SERPIND1: variants seen among roughly 807,000 people sequenced by gnomAD.
SERPIND1 encodes the protein serpin family D member 1.
In SERPIND1, 34 loss-of-function variants were observed where a neutral mutation model predicts 35.0. That is an observed-to-expected ratio of 0.97 (90% confidence interval 0.74 to 1.29). The LOEUF is 1.29. SERPIND1 is among the 50% of genes most tolerant of loss of function. SERPIND1 has a pLI of 0.00. For synonymous variants in SERPIND1, 236 were observed against 241.1 expected (o/e 0.98, Z 0.19); for missense variants, 633 against 637.7 (o/e 0.99, Z 0.08).
rs370999735 is a variant in SERPIND1 at position 20,779,351 on chromosome 22, C to G, written c.39C>G (p.Ile13Met). 1 of 1,614,212 alleles carries G rather than the reference C, an allele frequency of 6.2e-7. No homozygotes were observed. The highest frequency in any genetic ancestry group is 8.5e-7 in the Non-Finnish European group (1 of 1,180,036). ...TAAACGCACTTCTCATTTTCCTCAT[C>G]ATAACATCTGCGTGGGGTGGGAGCA... is the stretch of plus-strand genomic sequence containing the variant. ...HSLNALLIFL[I>M]ITSAWGGSKG... The change falls in exon 2 of 5, where the codon ATC (isoleucine) becomes ATG (methionine). Residue 13 changes from isoleucine (I) to methionine (M), a missense_variant. Physicochemically the swap from Ile to Met is conservative, Grantham distance 10. Transcript: ENST00000215727.
At chr22:20,774,758 CAAAA>C (rs361993) in intron 1 of SERPIND1, among the ~76,000 whole-genome samples, 7 of 107,356 alleles carry the variant, frequency 6.5e-5, no homozygotes, top group Non-Finnish European at 9.9e-5. Context: ...TAGACTCCGT[CAAAA>C]AAAAAAAAAA....
At chr22:20,777,043 GTTTTT>G (rs362134) in intron 1 of SERPIND1, among the ~76,000 whole-genome samples, 4 of 148,538 alleles carry the variant, frequency 2.7e-5, no homozygotes, top group Admixed American at 2.0e-4. Flanking sequence ...GTTTTTTTTT[GTTTTT>G]TTTTTGTTTT....
At position 20,787,390 on chromosome 22, in the gene SERPIND1, TTGC is replaced by T; in HGVS notation, c.*325_*327del. 1 of 386,146 alleles carries T rather than the reference TTGC, an allele frequency of 2.6e-6. No individual in the cohort carries two copies. Among genetic ancestry groups the T allele is most frequent in the Admixed American group, 3.8e-5 (1 of 26,492 alleles). The allele number at this position is 386,146 out of a possible 1,614,324, so 23.9% of individuals were successfully genotyped here. A position where few individuals can be genotyped will look rare whatever the true frequency, so the allele number is the denominator to read the frequency against. On this transcript the variant is annotated 3_prime_UTR_variant, in exon 5 of 5. Coordinates refer to ENST00000215727, the MANE Select transcript of SERPIND1 (RefSeq NM_000185.4). ...ACCTCCCGCTCCGGTGACCCCATCC[TTGC>T]ACACCTGACTCTGTCACTCAAGCCT...
In SERPIND1 at chr22:20,787,022, T is replaced by A. The variant is rs772204873; in HGVS notation, c.1456T>A (p.Cys486Ser). Reference sequence around the variant, plus strand: ...CCTCATCTACGAGCATCGCACCAGCTGCCTGCTCTTCATGGGAAGAGTGGC... The same window carrying A: ...CCTCATCTACGAGCATCGCACCAGCAGCCTGCTCTTCATGGGAAGAGTGGC... Reference protein sequence around the residue: ...LFLIYEHRTSCLLFMGRVANP... With the variant: ...LFLIYEHRTSSLLFMGRVANP... Residue 486 changes from cysteine (C) to serine (S), a missense_variant, in exon 5 of 5, where the codon TGC (cysteine) becomes AGC (serine). Coordinates refer to ENST00000215727, the MANE Select transcript of SERPIND1 (RefSeq NM_000185.4). 6.2e-7 allele frequency: 1 copy of A among 1,614,228 alleles called. No individual in the cohort carries two copies. Among genetic ancestry groups the A allele is most frequent in the Non-Finnish European group, 8.5e-7 (1 of 1,180,040 alleles).
Position 20,779,813 on chromosome 22 carries a change from AGGTC to A in SERPIND1, c.502_505del (p.Gly168Ter). 6.2e-7 allele frequency: 1 copy of A among 1,614,210 alleles called. No individual in the cohort carries two copies. Among genetic ancestry groups the A allele is most frequent in the Non-Finnish European group, 8.5e-7 (1 of 1,180,030 alleles). On this transcript the variant is annotated frameshift_variant, in exon 2 of 5. Transcript: ENST00000215727. LOFTEE classifies it high-confidence loss of function. ...CTACTGCGATGGGTATGATTTCCTT[AGGTC>A]TGAAGGGAGAGACCCATGAACAAGT...
chr22:20,776,374 G>A (rs982010110), intron 1 of SERPIND1, among the ~76,000 whole-genome samples: 3 of 152,156 alleles, frequency 2.0e-5, no homozygotes, highest in Non-Finnish European at 4.4e-5. Context: ...TTTCCCGTGT[G>A]TAAACTAGTG....
intron 1 of SERPIND1, among the ~76,000 whole-genome samples, chr22:20,775,056 A>G (rs1324999547): frequency 1.3e-5 from 2 of 152,182 alleles, no homozygotes; most frequent in Non-Finnish European, 2.9e-5. Context: ...CTTCTCTCCC[A>G]TTCTGCCTGC....
intron 1 of SERPIND1, among the ~76,000 whole-genome samples, chr22:20,774,763 A>T (rs1238162272): frequency 6.6e-6 from 1 of 151,292 alleles, no homozygotes; most frequent in African/African-American, 2.4e-5. Context: ...TCCGTCAAAA[A>T]AAAAAAAAAA....
At chr22:20,774,633 C>T (rs568024449) in intron 1 of SERPIND1, among the ~76,000 whole-genome samples, 9 of 151,976 alleles carry the variant, frequency 5.9e-5, no homozygotes, top group African/African-American at 1.4e-4. Flanking sequence ...TGGTGGCACG[C>T]GCCTGTAATC....
intron 2 of SERPIND1, 46 bp from the exon 3 acceptor site, chr22:20,783,926 C>T (rs1157117689): frequency 6.2e-7 from 1 of 1,613,368 alleles, no homozygotes; most frequent in Non-Finnish European, 8.5e-7. Flanking sequence ...AGACGATTTC[C>T]CTAAAGGAAC....
At position 20,786,817 on chromosome 22, in the gene SERPIND1, G is replaced by A. The variant is rs575183180; in HGVS notation, c.1309-58G>A. ...CCTGAATGATATGAGATTGTGCTGG[G>A]AACTCTAGCCCTCTGTGTGCTGACC... On this transcript the variant is annotated intron_variant, in intron 4 of 4. Transcript: ENST00000215727. 5.9e-6 allele frequency: 9 copies of A among 1,514,142 alleles called. No individual in the cohort carries two copies. In the Admixed American group the frequency reaches 1.0e-4, roughly 17 times the overall value. 93.8% of individuals were successfully genotyped at this position (1,514,142 alleles called of 1,614,324 possible).
rs1933643243 is a variant in SERPIND1, at chr22:20,780,057, C to T, written c.745C>T (p.Gln249Ter). The change falls in exon 2 of 5, where the codon CAG becomes TAG. Residue 249 changes from glutamine (Q) to a stop codon, truncating the protein, a stop_gained. Transcript: ENST00000215727. LOFTEE classifies it high-confidence loss of function. ...KVREYYFAEA[Q>*]IADFSDPAFI... ...AAGAGAGTATTACTTTGCTGAGGCCCAGATAGCTGACTTCTCAGACCCTGC... is the reference window on the plus strand; with the variant it reads ...AAGAGAGTATTACTTTGCTGAGGCCTAGATAGCTGACTTCTCAGACCCTGC... The T allele has an allele frequency of 6.2e-7, 1 of 1,614,002 alleles. No individual in the cohort carries two copies. The highest frequency in any genetic ancestry group is 8.5e-7 in the Non-Finnish European group (1 of 1,180,044).
At chr22:20,776,607 C>T (rs1338519351) in intron 1 of SERPIND1, among the ~76,000 whole-genome samples, 1 of 152,168 alleles carries the variant, frequency 6.6e-6, no homozygotes, top group Non-Finnish European at 1.5e-5. Context: ...CTGCTCTGCA[C>T]GGCCAGGGAG....
chr22:20,787,131 G>A lies in SERPIND1; in HGVS notation c.*65G>A, dbSNP rs1311106281. The A allele has an allele frequency of 4.2e-5, 59 of 1,388,408 alleles. No individual in the cohort carries two copies. Among genetic ancestry groups the A allele is most frequent in the East Asian group, 2.3e-5 (1 of 43,744 alleles). 86.0% of individuals were successfully genotyped at this position (1,388,408 alleles called of 1,614,324 possible). ...CTCATTTTGTTTCCATTCCAACAAC[G>A]AGAACAGAGATGTTCTGGCATCATT... is the stretch of plus-strand genomic sequence containing the variant. On this transcript the variant is annotated 3_prime_UTR_variant, in exon 5 of 5. Coordinates refer to ENST00000215727, the MANE Select transcript of SERPIND1 (RefSeq NM_000185.4).
chr22:20,779,202 C>T, intron 1 of SERPIND1, 95 bp from the exon 2 acceptor site: 1 of 1,597,532 alleles, frequency 6.3e-7, no homozygotes, highest in East Asian at 2.2e-5. Context: ...GGGCCTCTTC[C>T]TGGGTCAAAG....
At chr22:20,781,525 G>C (rs1933798532) in intron 2 of SERPIND1, among the ~76,000 whole-genome samples, 1 of 152,242 alleles carries the variant, frequency 6.6e-6, no homozygotes, top group Non-Finnish European at 1.5e-5. Flanking sequence ...AGCCCCTCCT[G>C]ATCTGTCCAC....
Position 20,779,795 on chromosome 22 carries a change from G to A in SERPIND1, c.483G>A (p.Ala161=), listed in dbSNP as rs200862324. 6.2e-6 allele frequency: 10 copies of A among 1,614,200 alleles called. No homozygotes were observed. Among genetic ancestry groups the A allele is most frequent in the African/African-American group, 2.7e-5 (2 of 75,054 alleles). Residue 161 remains alanine (A), a synonymous_variant, in exon 2 of 5, where the codon GCG becomes GCA. Coordinates refer to ENST00000215727, the MANE Select transcript of SERPIND1 (RefSeq NM_000185.4). ...IFIAPVGIST[A]MGMISLGLKG... is the part of the protein sequence containing the mutation. ...TAGCACCCGTTGGCATTTCTACTGC[G>A]ATGGGTATGATTTCCTTAGGTCTGA...
chr22:20,779,119 A>C lies in SERPIND1; in HGVS notation c.-16-178A>C, dbSNP rs1601472966. On this transcript the variant is annotated intron_variant, in intron 1 of 4. Transcript: ENST00000215727. ...TTGAGGTTTATGAGTCCCACATCAA[A>C]GGTTGGGTGTCTATCTACATCAGAT... is the stretch of plus-strand genomic sequence containing the variant. The C allele has an allele frequency of 2.8e-6, 4 of 1,416,598 alleles. No individual in the cohort carries two copies. The East Asian group carries it at 1.0e-4, about 36-fold the overall frequency. 87.8% of individuals were successfully genotyped at this position (1,416,598 alleles called of 1,614,324 possible). A position where few individuals can be genotyped will look rare whatever the true frequency, so the allele number is the denominator to read the frequency against.
At position 20,786,098 on chromosome 22, in the gene SERPIND1, A is replaced by C. The variant is rs1208622947; in HGVS notation, c.1258A>C (p.Lys420Gln). 4 of 1,614,046 alleles carry C rather than the reference A, an allele frequency of 2.5e-6. No homozygotes were observed. The highest frequency in any genetic ancestry group is 1.3e-5 in the African/African-American group (1 of 74,910). The change falls in exon 4 of 5, where the codon AAA becomes CAA. Residue 420 changes from lysine to glutamine, a missense_variant. Transcript: ENST00000215727. The part of the protein sequence containing the change: ...KLMGIRMLFD[K>Q]NGNMAGISDQ... ...GATGGGGATCAGGATGCTGTTTGAC[A>C]AAAATGGCAACATGGCAGGCATCTC...
Sources: gnomAD v4.1 joint callset for allele counts (sites outside exome capture counted in the v4.1 genomes callset) on GRCh38, gnomAD v4.1.1 for gene constraint, MANE v1.5 for transcripts, NCBI Gene and HGNC (gene_info 2026-07-23, HGNC 2026-07-21) for gene names.